Variants in GPC3 observed in about 807,000 individuals in gnomAD.
GPC3 encodes glypican 3, also known as glypican-3.
GPC3 carries 3 observed loss-of-function variants against 34.4 expected under a neutral mutation model. That is an observed-to-expected ratio of 0.09 (90% CI 0.04 to 0.23). The LOEUF is 0.23. Ranked by LOEUF, GPC3 falls within the 10% of genes least tolerant of loss-of-function variation. The pLI is 1.00. For synonymous variants in GPC3, 177 were observed against 174.0 expected (o/e 1.02, Z -0.13); for missense variants, 351 against 445.6 (o/e 0.79, Z 1.91).
At chrX:133,716,785 G>C in intron 3 of GPC3, among the ~76,000 whole-genome samples, 1 of 111,361 alleles carries the variant, frequency 9.0e-6, no homozygotes, top group South Asian at 3.8e-4. Context: ...ATGGCTAAAA[G>C]CTTCCCAAAT....
At chrX:133,767,409 C>T (rs1470434472) in intron 2 of GPC3, among the ~76,000 whole-genome samples, 1 of 111,783 alleles carries the variant, frequency 8.9e-6, no homozygotes, top group Non-Finnish European at 1.9e-5. Flanking sequence ...ATTACTGATA[C>T]AGGTATGAAA....
intron 2 of GPC3, among the ~76,000 whole-genome samples, chrX:133,891,739 C>T (rs1214937957): frequency 9.7e-6 from 1 of 103,017 alleles, no homozygotes; most frequent in African/African-American, 3.6e-5. Context: ...GTGGAGGCTG[C>T]AGTGAGCTGT....
In GPC3 at chrX:133,826,968, G is replaced by C. The variant is rs151335729; in HGVS notation, c.338-72792C>G. Among the ~76,000 whole-genome samples the C allele has an allele frequency of 1.6e-4, 18 of 112,313 alleles. No homozygotes were observed. In the East Asian group the frequency reaches 4.7e-3, roughly 30 times the overall value. On this transcript the variant is annotated intron_variant, in intron 2 of 7. Coordinates refer to ENST00000370818, the MANE Select transcript of GPC3 (RefSeq NM_004484.4). ...ATGCCTCTAATGAAGGGGAAATGTAGAGTAACTGCTTTATGGATACAAGAT... is the reference window on the plus strand; with the variant it reads ...ATGCCTCTAATGAAGGGGAAATGTACAGTAACTGCTTTATGGATACAAGAT...
intron 3 of GPC3, among the ~76,000 whole-genome samples, chrX:133,748,047 T>C (rs1357269030): frequency 1.8e-5 from 2 of 112,087 alleles, no homozygotes; most frequent in Non-Finnish European, 3.8e-5. Flanking sequence ...GTAGTTATTT[T>C]GGGGATTAAA....
intron 1 of GPC3, 67 bp downstream of exon 1, chrX:133,985,208 G>A (rs2076561213): frequency 1.8e-6 from 2 of 1,129,518 alleles, no homozygotes; most frequent in South Asian, 1.9e-5. Context: ...GCGCGCTCAG[G>A]GTACAGCCAC....
chrX:133,965,410 C>T (rs1350611379), intron 1 of GPC3, among the ~76,000 whole-genome samples: 1 of 110,330 alleles, frequency 9.1e-6, no homozygotes, highest in African/African-American at 3.3e-5. Flanking sequence ...AAGACAAGTG[C>T]CCTTATAAGA....
chrX:133,547,138 A>C (rs2069393733), intron 7 of GPC3, among the ~76,000 whole-genome samples: 1 of 111,382 alleles, frequency 9.0e-6, no homozygotes, highest in Non-Finnish European at 1.9e-5. Context: ...ATGAAGGTAG[A>C]TTGGTGGTTA....
At chrX:133,870,184 G>C (rs926849736) in intron 2 of GPC3, among the ~76,000 whole-genome samples, 13 of 111,795 alleles carry the variant, frequency 1.2e-4, no homozygotes, top group African/African-American at 4.2e-4. Flanking sequence ...TTGCTGCAAA[G>C]GGAATGAATG....
At chrX:133,966,707 G>A (rs1348426416) in intron 1 of GPC3, among the ~76,000 whole-genome samples, 1 of 112,198 alleles carries the variant, frequency 8.9e-6, no homozygotes, top group Non-Finnish European at 1.9e-5. Flanking sequence ...GAGAAGCGCT[G>A]TTATTGATCT....
chrX:133,954,767 GA>G (rs1176569869), intron 1 of GPC3, among the ~76,000 whole-genome samples: 1 of 48,438 alleles, frequency 2.1e-5, no homozygotes, highest in Non-Finnish European at 3.4e-5. Flanking sequence ...TTTTTTTTGA[GA>G]TGGAGTTTCG....
intron 7 of GPC3, among the ~76,000 whole-genome samples, chrX:133,587,526 T>G (rs1313033789): frequency 8.9e-6 from 1 of 111,995 alleles, no homozygotes; most frequent in Non-Finnish European, 1.9e-5. Flanking sequence ...CTCCACACTG[T>G]TCTTTATAGT....
intron 2 of GPC3, among the ~76,000 whole-genome samples, chrX:133,791,847 TCCTCCCTC>T (rs1172993069): frequency 9.4e-5 from 6 of 63,872 alleles, no homozygotes; most frequent in African/African-American, 3.8e-4. Context: ...CTTCCTTCCT[TCCTCCCTC>T]CCTCCCTCTC....
intron 2 of GPC3, among the ~76,000 whole-genome samples, chrX:133,920,198 T>A (rs1358368328): frequency 9.2e-6 from 1 of 108,861 alleles, no homozygotes; most frequent in Non-Finnish European, 1.9e-5. Context: ...CTGAAATTCC[T>A]AGAAAGGAGC....
chrX:133,976,097 G>A (rs146790713), intron 1 of GPC3, among the ~76,000 whole-genome samples: 2 of 112,258 alleles, frequency 1.8e-5, no homozygotes, highest in Admixed American at 1.9e-4. Flanking sequence ...TATCAGTGAC[G>A]ATTAGCTCTG....
chrX:133,628,628 C>T (rs766479995), intron 6 of GPC3, among the ~76,000 whole-genome samples: 77 of 107,682 alleles, frequency 7.2e-4, no homozygotes, highest in Middle Eastern at 9.4e-3. Flanking sequence ...TGCACTCCAG[C>T]CTGGGCAACA....
intron 1 of GPC3, 138 bp from the exon 2 acceptor site, chrX:133,953,349 T>A: frequency 1.9e-6 from 1 of 533,024 alleles, no homozygotes; most frequent in Non-Finnish European, 3.3e-6. Context: ...TGAGATACAG[T>A]AAAATTTTGA....
At chrX:133,670,559 A>T (rs1054371854) in intron 5 of GPC3, among the ~76,000 whole-genome samples, 1 of 112,151 alleles carries the variant, frequency 8.9e-6, no homozygotes, top group Non-Finnish European at 1.9e-5. Context: ...ATGTATGGCT[A>T]AAAATGTTAG....
intron 6 of GPC3, among the ~76,000 whole-genome samples, chrX:133,641,068 T>C (rs1367564819): frequency 9.1e-6 from 1 of 110,445 alleles, no homozygotes; most frequent in Non-Finnish European, 1.9e-5. Context: ...CACCTTGTTT[T>C]CTTTAAGAAA....
chrX:133,559,362 G>A (rs1262688178), intron 7 of GPC3, among the ~76,000 whole-genome samples: 5 of 111,861 alleles, frequency 4.5e-5, no homozygotes, highest in East Asian at 2.8e-4. Context: ...GGAGGGCAGC[G>A]ATGAACATAA....
Sources: gnomAD v4.1 joint callset for allele counts (sites outside exome capture counted in the v4.1 genomes callset) on GRCh38, gnomAD v4.1.1 for gene constraint, MANE v1.5 for transcripts, NCBI Gene and HGNC (gene_info 2026-07-23, HGNC 2026-07-21) for gene names.